C14orf132: variants seen among roughly 807,000 people sequenced by gnomAD.
C14orf132 encodes chromosome 14 open reading frame 132.
In C14orf132, 6 loss-of-function variants were observed where a neutral mutation model predicts 5.8. That is an observed-to-expected ratio of 1.03 (90% confidence interval 0.57 to 2.04). The LOEUF is 2.04. C14orf132 is among the 30% of genes most tolerant of loss of function. C14orf132 has a pLI of 0.00. For missense variants in C14orf132, 125 were observed against 115.8 expected (o/e 1.08, Z -0.37); for synonymous variants, 51 against 49.8 (o/e 1.02, Z -0.10).
At chr14:96,077,781 G>A (rs1278713807) in intron 1 of C14orf132, among the ~76,000 whole-genome samples, 1 of 152,236 alleles carries the variant, frequency 6.6e-6, no homozygotes, top group Non-Finnish European at 1.5e-5. Flanking sequence ...CCTTCTATAA[G>A]CAGTGGTTGC....
chr14:96,042,023 GAA>G (rs1310387849), intron 1 of C14orf132, among the ~76,000 whole-genome samples: 1 of 152,166 alleles, frequency 6.6e-6, no homozygotes, highest in Non-Finnish European at 1.5e-5. Flanking sequence ...GTATGTTCAT[GAA>G]AAGACATTAA....
chr14:96,049,551 T>TAC (rs1555384074), intron 1 of C14orf132, among the ~76,000 whole-genome samples: 4 of 135,900 alleles, frequency 2.9e-5, no homozygotes, highest in Admixed American at 7.4e-5. Flanking sequence ...CGTATATATA[T>TAC]ACATATATAC....
chr14:96,041,620 C>T (rs557569073), intron 1 of C14orf132, among the ~76,000 whole-genome samples: 3 of 152,238 alleles, frequency 2.0e-5, no homozygotes, highest in South Asian at 2.1e-4. Context: ...TGCAATACTT[C>T]GCAGTGCTTG....
At chr14:96,074,867 T>C (rs1231133709) in intron 1 of C14orf132, among the ~76,000 whole-genome samples, 2 of 32,204 alleles carry the variant, frequency 6.2e-5, no homozygotes, top group African/African-American at 2.4e-4. Context: ...ACCAAATTTG[T>C]TTTCTTTTTC....
chr14:96,052,518 G>A (rs914086016), intron 1 of C14orf132, among the ~76,000 whole-genome samples: 1 of 152,244 alleles, frequency 6.6e-6, no homozygotes, highest in African/African-American at 2.4e-5. Context: ...CTGCTGCCCA[G>A]CCCAGGGCTA....
At chr14:96,067,368 T>C (rs1887562355) in intron 1 of C14orf132, among the ~76,000 whole-genome samples, 1 of 152,060 alleles carries the variant, frequency 6.6e-6, no homozygotes, top group Admixed American at 6.5e-5. Context: ...AAGCTTCCAC[T>C]GAACCAGAAA....
chr14:96,073,269 T>C (rs1884500602), intron 1 of C14orf132, among the ~76,000 whole-genome samples: 1 of 152,208 alleles, frequency 6.6e-6, no homozygotes, highest in African/African-American at 2.4e-5. Context: ...TTGCCCTCTG[T>C]ATATATATCT....
intron 1 of C14orf132, among the ~76,000 whole-genome samples, chr14:96,048,284 G>T (rs974668002): frequency 4.6e-5 from 7 of 152,136 alleles, no homozygotes; most frequent in Admixed American, 3.3e-4. Flanking sequence ...GTATAATGAC[G>T]TGGATCCACG....
chr14:96,085,502 C>T (rs1199759781), intron 1 of C14orf132, among the ~76,000 whole-genome samples: 1 of 152,212 alleles, frequency 6.6e-6, no homozygotes, highest in Non-Finnish European at 1.5e-5. Context: ...CACCTCCCAC[C>T]TGAAGTCTGA....
intron 1 of C14orf132, among the ~76,000 whole-genome samples, chr14:96,056,958 G>C (rs111356218): frequency 0.017 from 2,662 of 152,276 alleles, 79 homozygotes; most frequent in African/African-American, 0.06. Flanking sequence ...GGTTGTCAAT[G>C]ACCAGGGCCG....
intron 1 of C14orf132, among the ~76,000 whole-genome samples, chr14:96,058,995 C>T (rs1198649346): frequency 6.6e-6 from 1 of 152,230 alleles, no homozygotes; most frequent in Admixed American, 6.5e-5. Context: ...GGCGCAGTGG[C>T]TCATGCCTAT....
intron 1 of C14orf132, among the ~76,000 whole-genome samples, chr14:96,049,653 T>TATACGTATATATATATATAG (rs371381526): frequency 1.3e-4 from 11 of 82,252 alleles, no homozygotes; most frequent in African/African-American, 4.6e-4. Flanking sequence ...TATATATATA[T>TATACGTATATATATATATAG]AGAGAGAGAG....
chr14:96,060,228 A>G (rs1887309848), intron 1 of C14orf132, among the ~76,000 whole-genome samples: 1 of 152,172 alleles, frequency 6.6e-6, no homozygotes, highest in Non-Finnish European at 1.5e-5. Context: ...TCCCCAGCAC[A>G]GGACACAGGG....
chr14:96,040,323 G>C (rs1403454218), intron 1 of C14orf132: 1 of 398,476 alleles, frequency 2.5e-6, no homozygotes, highest in South Asian at 1.3e-4. Context: ...CCCTAGAGAA[G>C]ACCCAGAGCT....
intron 1 of C14orf132, among the ~76,000 whole-genome samples, chr14:96,074,213 G>T (rs1887792115): frequency 6.6e-6 from 1 of 152,072 alleles, no homozygotes; most frequent in Non-Finnish European, 1.5e-5. Flanking sequence ...AACAAAGTGG[G>T]TTGTTTTCTT....
At chr14:96,050,736 T>C (rs1887002896) in intron 1 of C14orf132, among the ~76,000 whole-genome samples, 1 of 152,028 alleles carries the variant, frequency 6.6e-6, no homozygotes, top group African/African-American at 2.4e-5. Context: ...CCATAGGCAG[T>C]AAACCGGAGC....
Position 96,088,046 on chromosome 14 carries a change from G to C in C14orf132, c.*1311G>C, listed in dbSNP as rs1888259726. ...GCTCACTCACCTCTAGGCCCAGAGAGGCTTTCTCCTCACTTTATACACTGC... is the reference window on the plus strand; with the variant it reads ...GCTCACTCACCTCTAGGCCCAGAGACGCTTTCTCCTCACTTTATACACTGC... On this transcript the variant is annotated 3_prime_UTR_variant, in exon 2 of 2. Coordinates refer to ENST00000555004, the MANE Select transcript of C14orf132 (RefSeq NM_001252507.3). The C allele has an allele frequency of 6.7e-6, 1 of 150,276 alleles. No individual in the cohort carries two copies. The highest frequency in any genetic ancestry group is 1.5e-5 in the Non-Finnish European group (1 of 67,718). 9.3% of individuals were successfully genotyped at this position (150,276 alleles called of 1,614,324 possible).
chr14:96,054,241 G>A (rs1566825608), intron 1 of C14orf132, among the ~76,000 whole-genome samples: 1 of 152,152 alleles, frequency 6.6e-6, no homozygotes, highest in Admixed American at 6.5e-5. Context: ...ACCAAACAGA[G>A]ACTTCCATGG....
intron 1 of C14orf132, among the ~76,000 whole-genome samples, chr14:96,056,114 T>A (rs1441336139): frequency 6.6e-6 from 1 of 152,234 alleles, no homozygotes; most frequent in African/African-American, 2.4e-5. Context: ...TTTGGATAGC[T>A]TGAGCCTCTC....
Sources: gnomAD v4.1 joint callset for allele counts (sites outside exome capture counted in the v4.1 genomes callset) on GRCh38, gnomAD v4.1.1 for gene constraint, MANE v1.5 for transcripts, NCBI Gene and HGNC (gene_info 2026-07-23, HGNC 2026-07-21) for gene names.